The following TENM3 variants were observed in gnomAD, a reference collection of about 807,000 sequenced individuals.
The protein encoded by TENM3 is teneurin-3.
TENM3 carries 63 observed loss-of-function variants against 255.1 expected under a neutral mutation model. The ratio of observed to expected loss-of-function variants is 0.25; its 90% CI spans 0.20 to 0.30. The LOEUF (loss-of-function observed/expected upper bound fraction) is 0.30, where lower values mean the gene tolerates loss of function less well. Among genes scored for constraint, TENM3 ranks in the 10% least tolerant of loss-of-function variants. TENM3 has a pLI of 1.00. For missense variants in TENM3, 2,929 were observed against 3,461.1 expected (o/e 0.85, Z 3.86); for synonymous variants, 1,306 against 1,322.3 (o/e 0.99, Z 0.27).
intron 24 of TENM3, among the ~76,000 whole-genome samples, chr4:182,784,545 A>T (rs1402458488): frequency 6.6e-6 from 1 of 151,894 alleles, no homozygotes; most frequent in Non-Finnish European, 1.5e-5. Context: ...GAGCCTACAG[A>T]GGCAGGCAGG....
At chr4:181,999,478 G>A in the TENM3 span, among the ~76,000 whole-genome samples, 2 of 152,190 alleles carry the variant, frequency 1.3e-5, no homozygotes, top group African/African-American at 2.4e-5. Flanking sequence ...TCATAGGGAT[G>A]AGGAAGAATA....
the TENM3 span, among the ~76,000 whole-genome samples, chr4:181,735,786 T>C: frequency 1.3e-5 from 2 of 152,120 alleles, no homozygotes; most frequent in African/African-American, 2.4e-5. Flanking sequence ...ATCGAATTAG[T>C]ATCTGTACAG....
chr4:181,626,970 A>T, the TENM3 span, among the ~76,000 whole-genome samples: 1 of 152,232 alleles, frequency 6.6e-6, no homozygotes, highest in Non-Finnish European at 1.5e-5. Flanking sequence ...CAGATGGCTG[A>T]ATCTCCAGGA....
chr4:182,165,960 A>G (rs929712657), intron 1 of TENM3, among the ~76,000 whole-genome samples: 1 of 151,984 alleles, frequency 6.6e-6, no homozygotes, highest in African/African-American at 2.4e-5. Flanking sequence ...TTGTCTTTTT[A>G]GTAGAGACGG....
chr4:181,452,787 T>G, the TENM3 span, among the ~76,000 whole-genome samples: 1 of 152,210 alleles, frequency 6.6e-6, no homozygotes, highest in Admixed American at 6.5e-5. Context: ...GCTAACACTT[T>G]CATTTAACAG....
At chr4:182,113,332 G>T in the TENM3 span, among the ~76,000 whole-genome samples, 1 of 152,048 alleles carries the variant, frequency 6.6e-6, no homozygotes, top group Non-Finnish European at 1.5e-5. Flanking sequence ...TTTTCTTAAG[G>T]TCATTCCACA....
At chr4:182,001,869 A>G in the TENM3 span, among the ~76,000 whole-genome samples, 26 of 152,154 alleles carry the variant, frequency 1.7e-4, no homozygotes, top group Admixed American at 6.6e-5. Context: ...TAAAATGAAG[A>G]AAGGAAAAAG....
the TENM3 span, among the ~76,000 whole-genome samples, chr4:181,820,486 AACACACACAC>A: frequency 1.3e-4 from 20 of 148,174 alleles, no homozygotes; most frequent in South Asian, 1.3e-3. Context: ...ATTTTCTTTA[AACACACACAC>A]ACACACACAC....
chr4:182,337,096 G>A (rs886269971), intron 2 of TENM3, among the ~76,000 whole-genome samples: 1 of 152,058 alleles, frequency 6.6e-6, no homozygotes, highest in African/African-American at 2.4e-5. Context: ...GAAAACCGCA[G>A]TAAAAAGCTA....
the TENM3 span, among the ~76,000 whole-genome samples, chr4:181,599,744 AT>A: frequency 6.6e-6 from 1 of 152,198 alleles, no homozygotes; most frequent in African/African-American, 2.4e-5. Flanking sequence ...ATTTTATTGT[AT>A]TTTAATTATT....
At chr4:182,112,061 C>G in the TENM3 span, among the ~76,000 whole-genome samples, 1 of 152,148 alleles carries the variant, frequency 6.6e-6, no homozygotes, top group East Asian at 1.9e-4. Flanking sequence ...AAACCAAGGC[C>G]GGAGGATCAC....
chr4:182,486,079 C>T (rs1433350569), intron 3 of TENM3, among the ~76,000 whole-genome samples: 2 of 151,936 alleles, frequency 1.3e-5, no homozygotes, highest in East Asian at 3.9e-4. Context: ...AAGACAGTGT[C>T]AGGGAGCTGC....
At chr4:181,595,079 C>T in the TENM3 span, among the ~76,000 whole-genome samples, 1 of 152,240 alleles carries the variant, frequency 6.6e-6, no homozygotes, top group African/African-American at 2.4e-5. Flanking sequence ...CCCTGGCTTC[C>T]TCTGCCCACC....
intron 3 of TENM3, among the ~76,000 whole-genome samples, chr4:182,549,165 G>GATGTGTGC (rs1295790530): frequency 1.3e-5 from 2 of 152,200 alleles, no homozygotes; most frequent in Admixed American, 1.3e-4. Context: ...ATTATTCTGG[G>GATGTGTGC]ATGTGTGCAT....
At chr4:182,286,715 G>A (rs555136984) in intron 1 of TENM3, among the ~76,000 whole-genome samples, 3 of 152,092 alleles carry the variant, frequency 2.0e-5, no homozygotes, top group Non-Finnish European at 2.9e-5. Flanking sequence ...CAGGTAATAC[G>A]AAAAAACCCC....
chr4:182,043,246 T>C, the TENM3 span, among the ~76,000 whole-genome samples: 5 of 152,200 alleles, frequency 3.3e-5, no homozygotes. Flanking sequence ...TTACGTGCCA[T>C]CTTCGGTATA....
chr4:181,938,240 C>T, the TENM3 span, among the ~76,000 whole-genome samples: 1 of 152,130 alleles, frequency 6.6e-6, no homozygotes, highest in Non-Finnish European at 1.5e-5. Flanking sequence ...GATGAGAAAA[C>T]CAAGATGTAG....
In TENM3 at chr4:182,755,931, G is replaced by A. The variant is rs546624296; in HGVS notation, c.4892+672G>A. 3.6e-4 allele frequency among the ~76,000 whole-genome samples: 55 copies of A among 152,306 alleles called. No homozygotes were observed. In the East Asian group the frequency reaches 5.4e-3, roughly 15 times the overall value. On this transcript the variant is annotated intron_variant, in intron 22 of 27. Transcript: ENST00000511685. ...TTGGAAAGGGAAGGGACTCGTGTAA[G>A]GGAGAAGCCCAAAGCTTAAGTTTCA...
chr4:181,598,892 T>C, the TENM3 span, among the ~76,000 whole-genome samples: 2 of 152,188 alleles, frequency 1.3e-5, no homozygotes, highest in Non-Finnish European at 2.9e-5. Flanking sequence ...TTCAAATGTA[T>C]GTACAGTAAT....
Sources: gnomAD v4.1 joint callset for allele counts (sites outside exome capture counted in the v4.1 genomes callset) on GRCh38, gnomAD v4.1.1 for gene constraint, MANE v1.5 for transcripts, NCBI Gene and HGNC (gene_info 2026-07-23, HGNC 2026-07-21) for gene names.